Variants in RYR1 observed in about 807,000 individuals in gnomAD.
RYR1 encodes ryanodine receptor 1.
In RYR1, 342 loss-of-function variants were observed where a neutral mutation model predicts 583.5. The ratio of observed to expected loss-of-function variants is 0.59; its 90% CI spans 0.54 to 0.64. The LOEUF (loss-of-function observed/expected upper bound fraction) is 0.64, where lower values mean the gene tolerates loss of function less well. Among genes scored for constraint, RYR1 ranks in the 30% least tolerant of loss-of-function variants. The pLI is 0.00. For synonymous variants in RYR1, 2,791 were observed against 2,822.5 expected, an observed-to-expected ratio of 0.99 and a Z score of 0.35; for missense variants, 6,032 against 6,917.2, an observed-to-expected ratio of 0.87 and a Z score of 4.54.
In RYR1 at chr19:38,585,841, G is replaced by A; in HGVS notation, c.14804-97G>A. The A allele has an allele frequency of 2.8e-6, 4 of 1,404,660 alleles. No individual in the cohort carries two copies. In the South Asian group the frequency reaches 4.6e-5, roughly 16 times the overall value. 87.0% of individuals were successfully genotyped at this position (1,404,660 alleles called of 1,614,324 possible). On this transcript the variant is annotated intron_variant, in intron 102 of 105. Transcript: ENST00000359596. ...AGATTAGGGGTGAGATTAGGGAAAT[G>A]GGGGATGGAGGGCAAGCCCTGGAGG... is the stretch of plus-strand genomic sequence containing the variant.
At chr19:38,477,480 G>T (rs1218580588) in intron 29 of RYR1, among the ~76,000 whole-genome samples, 1 of 152,140 alleles carries the variant, frequency 6.6e-6, no homozygotes, top group Non-Finnish European at 1.5e-5. Flanking sequence ...TAACCTGGGA[G>T]GAACCCAAAT....
intron 61 of RYR1, among the ~76,000 whole-genome samples, 183 bp downstream of exon 61, chr19:38,511,793 A>G (rs1312945709): frequency 2.6e-5 from 4 of 152,086 alleles, no homozygotes; most frequent in East Asian, 1.9e-4. Context: ...CCTGCCCTCA[A>G]TGGAGCTCCC....
At position 38,523,260 on chromosome 19, in the gene RYR1, T is replaced by A. The variant is rs1445410014; in HGVS notation, c.10391T>A (p.Ile3464Asn). ...EEQNFVVQNE[I>N]NNMSFLTADN... ...CAGAACTTTGTGGTCCAGAATGAGA[T>A]CAACAACATGTCCTTCCTGACTGCT... Residue 3464 changes from isoleucine (I) to asparagine (N), a missense_variant, in exon 69 of 106, where the codon ATC becomes AAC. Ile to Asn is a moderately radical substitution (Grantham distance 149). Around this residue, in one of 11 missense-constraint regions of RYR1, gnomAD observed 1,493 missense variants for 1,715.5 expected, o/e 0.87. Transcript: ENST00000359596. 1.9e-6 allele frequency: 3 copies of A among 1,614,146 alleles called. No homozygotes were observed. Among genetic ancestry groups the A allele is most frequent in the Non-Finnish European group, 2.5e-6 (3 of 1,180,014 alleles).
chr19:38,585,426 A>G (rs1195109933), intron 102 of RYR1, among the ~76,000 whole-genome samples: 1 of 147,504 alleles, frequency 6.8e-6, no homozygotes, highest in Non-Finnish European at 1.5e-5. Context: ...ATATTTATAT[A>G]TGTGTTTATA....
intron 18 of RYR1, among the ~76,000 whole-genome samples, chr19:38,458,844 C>A (rs538021559): frequency 6.6e-6 from 1 of 152,234 alleles, no homozygotes; most frequent in African/African-American, 2.4e-5. Flanking sequence ...AGGCTGGTCT[C>A]CTGACCTCAA....
At chr19:38,582,703 A>G (rs918274654) in intron 101 of RYR1, among the ~76,000 whole-genome samples, 6 of 152,158 alleles carry the variant, frequency 3.9e-5, no homozygotes, top group African/African-American at 1.4e-4. Flanking sequence ...ATGCACATTT[A>G]TATTTTCTCT....
Position 38,483,493 on chromosome 19 carries a change from G to A in RYR1, c.4911G>A (p.Ala1637=), listed in dbSNP as rs370350821. The A allele has an allele frequency of 1.7e-4, 272 of 1,555,106 alleles. No homozygotes were observed. The highest frequency in any genetic ancestry group is 2.3e-4 in the Non-Finnish European group (262 of 1,153,932). The change falls in exon 33 of 106, where the codon GCG becomes GCA. Residue 1637 remains alanine (A), a synonymous_variant. Coordinates refer to ENST00000359596, the MANE Select transcript of RYR1 (RefSeq NM_000540.3). The surrounding 1 kb of genome is among the most constrained non-coding windows in gnomAD (Gnocchi z 6.3). ...VQCQEPLTMM[A]LHIPEENRCM... ...GCCAGGAGCCGCTGACCATGATGGC[G>A]CTGCACATCCCCGAGGAGAACCGGT...
chr19:38,453,088 G>GGGGCCACGGCA (rs1967173388), intron 13 of RYR1, 74 bp downstream of exon 13: 3 of 1,493,034 alleles, frequency 2.0e-6, no homozygotes, highest in Non-Finnish European at 2.8e-6. Context: ...GGGCCACGGC[G>GGGGCCACGGCA]CTGGGCGGGG....
Position 38,452,874 on chromosome 19 carries a change from G to A in RYR1, c.1300G>A (p.Ala434Thr), listed in dbSNP as rs1193823072. 6.2e-7 allele frequency: 1 copy of A among 1,610,584 alleles called. No individual in the cohort carries two copies. Among genetic ancestry groups the A allele is most frequent in the Non-Finnish European group, 8.5e-7 (1 of 1,178,504 alleles). Residue 434 changes from alanine to threonine, a missense_variant, in exon 13 of 106, where the codon GCG becomes ACG. Ala to Thr is a moderately conservative substitution (Grantham distance 58). Coordinates refer to ENST00000359596, the MANE Select transcript of RYR1 (RefSeq NM_000540.3). ...GGGCTCGGGGCCACCCGCTGGCACG[G>A]CGCTGCCCATCGAGGGCGTTATCCT... ...PRGSGPPAGT[A>T]LPIEGVILSL...
chr19:38,520,693 C>CAAAAAAAAAAAAAAAAAAAAAA lies in RYR1; in HGVS notation c.10259+1244_10259+1265dup, dbSNP rs71165555. Among the ~76,000 whole-genome samples the CAAAAAAAAAAAAAAAAAAAAAA allele has an allele frequency of 6.6e-4, 31 of 46,904 alleles. 1 individual carries two copies. Among genetic ancestry groups the CAAAAAAAAAAAAAAAAAAAAAA allele is most frequent in the South Asian group, 1.5e-3 (1 of 648 alleles). 30.8% of individuals were successfully genotyped at this position (46,904 alleles called of 152,430 possible). A position where few individuals can be genotyped will look rare whatever the true frequency, so the allele number is the denominator to read the frequency against. On this transcript the variant is annotated intron_variant, in intron 67 of 105. Coordinates refer to ENST00000359596, the MANE Select transcript of RYR1 (RefSeq NM_000540.3). ...CTAGGAACAGAGCGAGGCTCCACCT[C>CAAAAAAAAAAAAAAAAAAAAAA]AAAAAAAAAAAAAAAAAAAAAAAAA...
chr19:38,544,119 G>A (rs751340227), intron 87 of RYR1, among the ~76,000 whole-genome samples: 3 of 152,134 alleles, frequency 2.0e-5, no homozygotes, highest in African/African-American at 4.8e-5. Flanking sequence ...TTGGTCTGAC[G>A]TGTTGGCCCC....
At position 38,483,325 on chromosome 19, in the gene RYR1, C is replaced by A; in HGVS notation, c.4743C>A (p.Ser1581Arg). The change falls in exon 33 of 106, where the codon AGC becomes AGA. Residue 1581 changes from serine (S) to arginine (R), a missense_variant. This residue lies in a region of RYR1 where 2,627 missense variants were observed against 2,961.3 expected (regional missense o/e 0.89). Coordinates refer to ENST00000359596, the MANE Select transcript of RYR1 (RefSeq NM_000540.3). This position sits in a 1 kb window ranked among gnomAD's most constrained non-coding sequence, Gnocchi z 6.3. The part of the protein sequence containing the change: ...IMPLSAAMFQ[S>R]ERKNPAPQCP... Reference sequence around the variant, plus strand: ...CGTTGTCAGCCGCCATGTTCCAAAGCGAGCGCAAGAACCCGGCCCCGCAGT... The same window carrying A: ...CGTTGTCAGCCGCCATGTTCCAAAGAGAGCGCAAGAACCCGGCCCCGCAGT... 6.4e-7 allele frequency: 1 copy of A among 1,560,508 alleles called. No homozygotes were observed. Among genetic ancestry groups the A allele is most frequent in the Non-Finnish European group, 8.7e-7 (1 of 1,152,216 alleles).
At chr19:38,480,328 G>A (rs1968946103) in intron 31 of RYR1, among the ~76,000 whole-genome samples, 1 of 148,002 alleles carries the variant, frequency 6.8e-6, no homozygotes, top group African/African-American at 2.5e-5. Context: ...AGTTTTAGTG[G>A]AGACAGGATC....
chr19:38,543,241 C>A lies in RYR1; in HGVS notation c.11690-106C>A. On this transcript the variant is annotated intron_variant, in intron 84 of 105. Coordinates refer to ENST00000359596, the MANE Select transcript of RYR1 (RefSeq NM_000540.3). This position sits in a 1 kb window ranked among gnomAD's most constrained non-coding sequence, Gnocchi z 4.4. Reference sequence around the variant, plus strand: ...TGATGATGATATGCTTTCTGGCATACAATAGGAACTCAACACATGAGTATT... The same window carrying A: ...TGATGATGATATGCTTTCTGGCATAAAATAGGAACTCAACACATGAGTATT... The A allele has an allele frequency of 1.1e-6, 1 of 942,396 alleles. No homozygotes were observed. The highest frequency in any genetic ancestry group is 1.8e-6 in the Non-Finnish European group (1 of 569,620). 58.4% of individuals were successfully genotyped at this position (942,396 alleles called of 1,614,324 possible). A position where few individuals can be genotyped will look rare whatever the true frequency, so the allele number is the denominator to read the frequency against.
rs2960342 is a variant in RYR1 at position 38,505,980 on chromosome 19, C to T, written c.8541+34C>T. The T allele has an allele frequency of 0.27, 420,893 of 1,552,680 alleles. 65,255 individuals are homozygous for T. Among genetic ancestry groups the T allele is most frequent in the South Asian group, 0.44 (39,558 of 88,986 alleles). The stretch of plus-strand genomic sequence containing the variant: ...GGGGCCTGGGTGGAGGGCAGGGGCA[C>T]GATGGGGGGAGGGTCTAGAACAAGG... On this transcript the variant is annotated intron_variant, in intron 54 of 105. Coordinates refer to ENST00000359596, the MANE Select transcript of RYR1 (RefSeq NM_000540.3).
Position 38,527,471 on chromosome 19 carries a change from C to G in RYR1, c.10687-176C>G, listed in dbSNP as rs1384555193. On this transcript the variant is annotated intron_variant, in intron 72 of 105. Coordinates refer to ENST00000359596, the MANE Select transcript of RYR1 (RefSeq NM_000540.3). ...GTTGCAGTGAGCTGAGATCGCACCA[C>G]TGCACTCCAGCCTGGGTGATGGGGC... is the stretch of plus-strand genomic sequence containing the variant. The G allele has an allele frequency of 6.3e-5, 50 of 790,286 alleles. 1 individual carries two copies. In the South Asian group the frequency reaches 7.9e-4, roughly 12 times the overall value. 49.0% of individuals were successfully genotyped at this position (790,286 alleles called of 1,614,324 possible).
intron 49 of RYR1, 89 bp downstream of exon 49, chr19:38,503,059 C>A: frequency 1.5e-6 from 2 of 1,292,024 alleles, no homozygotes; most frequent in South Asian, 2.4e-5. Context: ...TTTGTGTCGG[C>A]ACTGCCCAGC....
At chr19:38,515,938 CTT>C in intron 64 of RYR1, 147 bp from the exon 65 acceptor site, 1 of 994,954 alleles carries the variant, frequency 1.0e-6, no homozygotes. Context: ...GAGACCCTGT[CTT>C]AAAAAACAAA....
Position 38,475,389 on chromosome 19 carries a change from C to G in RYR1, c.4232C>G (p.Pro1411Arg). The G allele has an allele frequency of 2.5e-6, 4 of 1,613,984 alleles. No homozygotes were observed. The highest frequency in any genetic ancestry group is 3.4e-6 in the Non-Finnish European group (4 of 1,179,974). The change falls in exon 29 of 106, where the codon CCT (proline) becomes CGT (arginine). Residue 1411 changes from proline to arginine, a missense_variant. Pro to Arg is a moderately radical substitution (Grantham distance 103). Transcript: ENST00000359596. ...PPATPTLPRL[P>R]HDVVPADNRD... ...GCCACCCCCACGCTGCCCCGACTCC[C>G]TCACGACGTGGTGCCTGCAGACAAC...
Sources: allele counts gnomAD v4.1 joint callset (sites outside exome capture counted in the v4.1 genomes callset), GRCh38; gene constraint gnomAD v4.1.1; regional missense constraint gnomAD v4.1.1; non-coding constraint Gnocchi (gnomAD v3.1); transcripts MANE v1.5; gene names NCBI Gene and HGNC (gene_info 2026-07-23, HGNC 2026-07-21).